The following HMGB1 variants were observed in gnomAD, a reference collection of about 807,000 sequenced individuals.
The protein encoded by HMGB1 is high mobility group protein B1.
For synonymous variants in HMGB1, 81 were observed against 84.0 expected, an observed-to-expected ratio of 0.96 and a Z score of 0.19; for missense variants, 79 against 253.5, an observed-to-expected ratio of 0.31 and a Z score of 4.67.
At chr13:30,513,169 AAAAAAACAAAAAC>A (rs1888029933) in intron 1 of HMGB1, among the ~76,000 whole-genome samples, 1 of 152,160 alleles carries the variant, frequency 6.6e-6, no homozygotes, top group Admixed American at 6.5e-5. Context: ...CTGCATCTCA[AAAAAAACAAAAAC>A]AAAAAACAAA....
At chr13:30,589,007 CTTT>C (rs1292576513) in intron 1 of HMGB1, among the ~76,000 whole-genome samples, 1 of 141,702 alleles carries the variant, frequency 7.1e-6, no homozygotes. Flanking sequence ...TAGTTTACCA[CTTT>C]TTTTTTTTTT....
intron 1 of HMGB1, among the ~76,000 whole-genome samples, chr13:30,589,608 C>A (rs1159439052): frequency 6.6e-6 from 1 of 152,188 alleles, no homozygotes; most frequent in Non-Finnish European, 1.5e-5. Context: ...GTGGCTCATG[C>A]CTGTAATCCC....
chr13:30,478,049 T>C (rs557881145), intron 1 of HMGB1, among the ~76,000 whole-genome samples: 19 of 152,358 alleles, frequency 1.2e-4, no homozygotes, highest in Admixed American at 3.3e-4. Flanking sequence ...AGGAAAGAGA[T>C]AGCATGGTTC....
At chr13:30,556,828 G>A (rs551317042) in intron 1 of HMGB1, among the ~76,000 whole-genome samples, 6 of 152,186 alleles carry the variant, frequency 3.9e-5, no homozygotes, top group Admixed American at 6.5e-5. Context: ...TCTAGTGTTC[G>A]ACAGCACTGT....
chr13:30,557,187 A>G (rs1405927295), intron 1 of HMGB1, among the ~76,000 whole-genome samples: 1 of 152,196 alleles, frequency 6.6e-6, no homozygotes, highest in Non-Finnish European at 1.5e-5. Flanking sequence ...TAATAATTGT[A>G]TGATATGTTT....
chr13:30,489,447 A>G (rs1332380848), intron 1 of HMGB1, among the ~76,000 whole-genome samples: 1 of 152,248 alleles, frequency 6.6e-6, no homozygotes, highest in Non-Finnish European at 1.5e-5. Flanking sequence ...AGAAATTTAA[A>G]GTTGTAAAAA....
intron 1 of HMGB1, chr13:30,465,260 G>A (rs1886700257): frequency 1.4e-5 from 2 of 140,312 alleles, no homozygotes; most frequent in Non-Finnish European, 1.3e-5. Flanking sequence ...AGGCCCCCGC[G>A]CCGCCCTCGC....
chr13:30,499,489 C>T (rs1046724625), intron 1 of HMGB1, among the ~76,000 whole-genome samples: 13 of 152,126 alleles, frequency 8.5e-5, no homozygotes, highest in South Asian at 2.1e-4. Context: ...TCCCGTTTCT[C>T]TTTTTTCTTG....
intron 1 of HMGB1, among the ~76,000 whole-genome samples, chr13:30,597,251 C>T (rs1871655773): frequency 6.6e-6 from 1 of 152,082 alleles, no homozygotes; most frequent in South Asian, 2.1e-4. Context: ...GATACAGATA[C>T]ACACAAACAA....
At chr13:30,601,376 A>G (rs1345291179) in intron 1 of HMGB1, among the ~76,000 whole-genome samples, 2 of 152,150 alleles carry the variant, frequency 1.3e-5, no homozygotes, top group African/African-American at 2.4e-5. Flanking sequence ...AAGAAACCCT[A>G]CCTGGTTCTG....
intron 1 of HMGB1, among the ~76,000 whole-genome samples, chr13:30,507,108 C>T (rs141179494): frequency 3.7e-4 from 57 of 152,316 alleles, no homozygotes; most frequent in Middle Eastern, 6.8e-3. Context: ...GCCTGACTAC[C>T]ACTCCAGCTC....
intron 1 of HMGB1, among the ~76,000 whole-genome samples, chr13:30,490,308 A>G (rs1010317154): frequency 2.0e-5 from 3 of 152,156 alleles, no homozygotes; most frequent in Non-Finnish European, 4.4e-5. Flanking sequence ...CATATGAGAT[A>G]AGTATTTCAA....
chr13:30,557,265 T>C (rs1869731400), intron 1 of HMGB1, among the ~76,000 whole-genome samples: 1 of 152,242 alleles, frequency 6.6e-6, no homozygotes, highest in South Asian at 2.1e-4. Flanking sequence ...GTTTTCATCT[T>C]TATTTTTATA....
intron 1 of HMGB1, among the ~76,000 whole-genome samples, chr13:30,482,463 A>G (rs1404915846): frequency 6.6e-6 from 1 of 152,220 alleles, no homozygotes; most frequent in African/African-American, 2.4e-5. Context: ...ACCATCTGCT[A>G]GGATCATAAA....
rs558997681 is a variant in HMGB1, at chr13:30,601,561, C to T, written c.-15+15110G>A. ...GAGATCGAGACCATCCCGGCTAAAACGGTGAAACCCCGTCTCTACTAAAAA... is the reference window on the plus strand; with the variant it reads ...GAGATCGAGACCATCCCGGCTAAAATGGTGAAACCCCGTCTCTACTAAAAA... On this transcript the variant is annotated intron_variant, in intron 1 of 4. Transcript: ENST00000405805. Among the ~76,000 whole-genome samples the T allele has an allele frequency of 6.8e-5, 3 of 44,378 alleles. 1 individual carries two copies. Among genetic ancestry groups the T allele is most frequent in the East Asian group, 2.6e-4 (1 of 3,780 alleles). The allele number at this position is 44,378 out of a possible 152,430, so 29.1% of individuals were successfully genotyped here. A position where few individuals can be genotyped will look rare whatever the true frequency, so the allele number is the denominator to read the frequency against.
chr13:30,549,376 A>C (rs988523787), intron 1 of HMGB1, among the ~76,000 whole-genome samples: 1 of 151,996 alleles, frequency 6.6e-6, no homozygotes, highest in African/African-American at 2.4e-5. Flanking sequence ...AAACTCTATC[A>C]CTCTTACAGT....
exon 1 of HMGB1, chr13:30,617,081 T>G (rs538105947): frequency 6.6e-6 from 1 of 152,224 alleles, no homozygotes; most frequent in Non-Finnish European, 1.5e-5. Context: ...ACTTATCAAA[T>G]GAGAACTCCC....
intron 1 of HMGB1, among the ~76,000 whole-genome samples, chr13:30,557,400 G>A (rs535048000): frequency 2.0e-5 from 3 of 152,270 alleles, no homozygotes; most frequent in South Asian, 4.1e-4. Flanking sequence ...GTTCCTTTGC[G>A]TTTTTGTTTT....
chr13:30,607,696 G>A (rs1340479025), intron 1 of HMGB1, among the ~76,000 whole-genome samples: 1 of 152,140 alleles, frequency 6.6e-6, no homozygotes, highest in Admixed American at 6.5e-5. Context: ...AGTAGTTCTT[G>A]ATCATGCTAT....
Sources: gnomAD v4.1 joint callset for allele counts (sites outside exome capture counted in the v4.1 genomes callset) on GRCh38, gnomAD v4.1.1 for gene constraint, MANE v1.5 for transcripts, NCBI Gene and HGNC (gene_info 2026-07-23, HGNC 2026-07-21) for gene names.